SCHIP1: variants seen among roughly 807,000 people sequenced by gnomAD.
SCHIP1 encodes the protein schwannomin interacting protein 1.
SCHIP1 carries 8 observed loss-of-function variants against 29.7 expected under a neutral mutation model. The ratio of observed to expected loss-of-function variants is 0.27; its 90% confidence interval spans 0.16 to 0.49. The LOEUF is 0.49. SCHIP1 is among the 20% of genes least tolerant of loss of function. The probability of loss-of-function intolerance (pLI) is 0.99; values close to 1 mark genes in which losing one functional copy is unlikely to be tolerated. For synonymous variants in SCHIP1, 76 were observed against 94.9 expected, an observed-to-expected ratio of 0.80 and a Z score of 1.16; for missense variants, 193 against 294.6, an observed-to-expected ratio of 0.66 and a Z score of 2.52.
At chr3:159,830,262 G>C in the SCHIP1 span, among the ~76,000 whole-genome samples, 9,137 of 152,162 alleles carry the variant, frequency 0.06, 869 homozygotes, top group African/African-American at 0.2. Flanking sequence ...ACAGCATCAT[G>C]TTCTCATTGA....
chr3:159,340,023 A>C, the SCHIP1 span, among the ~76,000 whole-genome samples: 197 of 152,244 alleles, frequency 1.3e-3, no homozygotes, highest in African/African-American at 4.4e-3. Context: ...TTTACAAGTC[A>C]GTTTTCAATT....
At chr3:159,433,536 A>T in the SCHIP1 span, among the ~76,000 whole-genome samples, 1 of 152,182 alleles carries the variant, frequency 6.6e-6, no homozygotes. Context: ...AATACCTAGA[A>T]AACAATGATC....
At chr3:159,342,472 C>A in the SCHIP1 span, among the ~76,000 whole-genome samples, 5 of 152,152 alleles carry the variant, frequency 3.3e-5, no homozygotes, top group African/African-American at 1.2e-4. Context: ...CACTGTCTGA[C>A]ATATAGTGCA....
At chr3:159,563,213 C>A in the SCHIP1 span, among the ~76,000 whole-genome samples, 57 of 152,278 alleles carry the variant, frequency 3.7e-4, no homozygotes, top group Non-Finnish European at 5.9e-5. Flanking sequence ...GAATGTAATA[C>A]TTACATTTCT....
chr3:159,680,645 AAT>A, the SCHIP1 span, among the ~76,000 whole-genome samples: 1 of 83,320 alleles, frequency 1.2e-5, no homozygotes, highest in Admixed American at 2.1e-4. Flanking sequence ...TATATTATAT[AAT>A]ATATGTATAT....
chr3:159,777,622 A>T, the SCHIP1 span, among the ~76,000 whole-genome samples: 1 of 152,152 alleles, frequency 6.6e-6, no homozygotes, highest in Non-Finnish European at 1.5e-5. Flanking sequence ...ATTAATAATA[A>T]AAAGGGAAGA....
chr3:159,602,330 C>G, the SCHIP1 span, among the ~76,000 whole-genome samples: 1 of 152,136 alleles, frequency 6.6e-6, no homozygotes, highest in East Asian at 1.9e-4. Context: ...GTAATTTTGG[C>G]TCTTCTTTCT....
At position 159,844,488 on chromosome 3, in the gene SCHIP1, T is replaced by C. The variant is rs146478758; in HGVS notation, c.30+4274T>C. Among the ~76,000 whole-genome samples, 26 of 152,394 alleles carry C rather than the reference T, an allele frequency of 1.7e-4. No individual in the cohort carries two copies. The East Asian group carries it at 5.0e-3, about 29-fold the overall frequency. On this transcript the variant is annotated intron_variant, in intron 1 of 6. Coordinates refer to ENST00000445224, the Ensembl canonical transcript of SCHIP1. ...GGATTTATGTTAGCAAAGAGGTTAC[T>C]GAGGCATGTGTTGTCATTTGTGGTC...
chr3:159,346,110 CGTGAACCTGG>C, the SCHIP1 span, among the ~76,000 whole-genome samples: 1 of 150,758 alleles, frequency 6.6e-6, no homozygotes, highest in African/African-American at 2.4e-5. Flanking sequence ...AGGAAAATTG[CGTGAACCTGG>C]GAGAGGAGGT....
At chr3:159,543,111 A>ATG in the SCHIP1 span, among the ~76,000 whole-genome samples, 39 of 74,976 alleles carry the variant, frequency 5.2e-4, no homozygotes, top group African/African-American at 2.3e-3. Flanking sequence ...ACATATATAC[A>ATG]TGTGTGTATA....
At chr3:159,787,857 A>G in the SCHIP1 span, among the ~76,000 whole-genome samples, 1 of 152,140 alleles carries the variant, frequency 6.6e-6, no homozygotes, top group East Asian at 1.9e-4. Flanking sequence ...CACTTCACAC[A>G]TTTGGACCAA....
chr3:159,486,972 T>C, the SCHIP1 span, among the ~76,000 whole-genome samples: 1 of 151,394 alleles, frequency 6.6e-6, no homozygotes, highest in Non-Finnish European at 1.5e-5. Context: ...AAGGGGAGAG[T>C]AGATATTTTT....
chr3:159,511,552 G>T, the SCHIP1 span, among the ~76,000 whole-genome samples: 4 of 152,180 alleles, frequency 2.6e-5, no homozygotes, highest in South Asian at 8.3e-4. Flanking sequence ...CCCATCTTCT[G>T]TGTCACTCAC....
intron 1 of SCHIP1, among the ~76,000 whole-genome samples, chr3:159,854,745 G>C (rs925243430): frequency 4.6e-5 from 7 of 152,206 alleles, no homozygotes; most frequent in African/African-American, 1.7e-4. Context: ...AACTGGTCAT[G>C]GTGTCCTTTG....
the SCHIP1 span, among the ~76,000 whole-genome samples, chr3:159,680,458 G>A: frequency 1.4e-5 from 2 of 141,414 alleles, no homozygotes; most frequent in Non-Finnish European, 3.0e-5. Context: ...GCAGTGAGCC[G>A]AGATCATGCC....
At chr3:159,677,480 A>G in the SCHIP1 span, among the ~76,000 whole-genome samples, 1 of 152,222 alleles carries the variant, frequency 6.6e-6, no homozygotes, top group African/African-American at 2.4e-5. Flanking sequence ...TTGCACAGCC[A>G]TGTTCTGGTG....
chr3:159,819,053 G>A, the SCHIP1 span, among the ~76,000 whole-genome samples: 3 of 152,208 alleles, frequency 2.0e-5, no homozygotes, highest in Admixed American at 6.5e-5. Context: ...GTGCATTGGG[G>A]CTGCAGTCAT....
At chr3:159,692,445 C>T in the SCHIP1 span, among the ~76,000 whole-genome samples, 1 of 152,158 alleles carries the variant, frequency 6.6e-6, no homozygotes, top group African/African-American at 2.4e-5. Context: ...TTTCTCTAAT[C>T]TTGTCTTCAC....
chr3:159,555,674 G>C, the SCHIP1 span, among the ~76,000 whole-genome samples: 2 of 152,144 alleles, frequency 1.3e-5, no homozygotes, highest in African/African-American at 2.4e-5. Context: ...TAAAGGGCAT[G>C]AATTCACCAG....
Sources: gnomAD v4.1 joint callset for allele counts (sites outside exome capture counted in the v4.1 genomes callset) on GRCh38, gnomAD v4.1.1 for gene constraint, MANE v1.5 for transcripts, NCBI Gene and HGNC (gene_info 2026-07-23, HGNC 2026-07-21) for gene names.